MBTD1: variants seen among roughly 807,000 people sequenced by gnomAD.
MBTD1 encodes the protein mbt domain containing 1, also known as MBT domain-containing protein 1.
MBTD1 carries 24 observed loss-of-function variants against 87.8 expected under a neutral mutation model. The observed-to-expected ratio is 0.27, with a 90% CI of 0.20 to 0.38. The LOEUF is 0.38. Ranked by LOEUF, MBTD1 falls within the 10% of genes least tolerant of loss-of-function variation. MBTD1 has a pLI of 1.00. For missense variants in MBTD1, 436 were observed against 760.2 expected, an observed-to-expected ratio of 0.57 and a Z score of 5.02; for synonymous variants, 237 against 248.6, an observed-to-expected ratio of 0.95 and a Z score of 0.44.
At chr17:51,255,011 A>G (rs1293442996) in intron 2 of MBTD1, among the ~76,000 whole-genome samples, 2 of 152,200 alleles carry the variant, frequency 1.3e-5, no homozygotes, top group African/African-American at 2.4e-5. Flanking sequence ...GGCCAGGCGC[A>G]GTGGCTCACG....
chr17:51,257,959 G>A (rs2055187052), intron 2 of MBTD1, among the ~76,000 whole-genome samples: 1 of 151,802 alleles, frequency 6.6e-6, no homozygotes, highest in South Asian at 2.1e-4. Context: ...AATCAGTATG[G>A]GGTTTTAGAT....
At chr17:51,182,457 T>C (rs2050357704) in intron 16 of MBTD1, among the ~76,000 whole-genome samples, 2 of 152,174 alleles carry the variant, frequency 1.3e-5, no homozygotes. Context: ...CTTTACACAT[T>C]TGACTGAATA....
intron 5 of MBTD1, among the ~76,000 whole-genome samples, chr17:51,218,006 A>C (rs1174001287): frequency 6.6e-6 from 1 of 152,128 alleles, no homozygotes; most frequent in Non-Finnish European, 1.5e-5. Flanking sequence ...CAGAATGACA[A>C]ACACTGTTGT....
chr17:51,257,351 T>A (rs2055151415), intron 2 of MBTD1, among the ~76,000 whole-genome samples: 1 of 152,236 alleles, frequency 6.6e-6, no homozygotes, highest in Non-Finnish European at 1.5e-5. Flanking sequence ...TTGTCTAATT[T>A]TAGAATGTGG....
Position 51,260,028 on chromosome 17 carries a change from GC to G in MBTD1, c.-307del, listed in dbSNP as rs1265277339. 4.5e-6 allele frequency: 2 copies of G among 440,076 alleles called. No homozygotes were observed. The highest frequency in any genetic ancestry group is 7.1e-5 in the East Asian group (2 of 27,974). 27.3% of individuals were successfully genotyped at this position (440,076 alleles called of 1,614,324 possible). ...GGATTTCCCCCCTTTAACTCGGGTGGCCCCAGGATATCAACAACATTAGCAT... is the reference window on the plus strand; with the variant it reads ...GGATTTCCCCCCTTTAACTCGGGTGGCCCAGGATATCAACAACATTAGCAT... On this transcript the variant is annotated 5_prime_UTR_variant, in exon 1 of 17. It removes the in-frame stop codon of an upstream open reading frame in the 5' UTR. Coordinates refer to ENST00000586178, the MANE Select transcript of MBTD1 (RefSeq NM_017643.3).
intron 1 of MBTD1, among the ~76,000 whole-genome samples, chr17:51,259,631 C>A (rs536948132): frequency 6.6e-6 from 1 of 151,222 alleles, no homozygotes; most frequent in African/African-American, 2.4e-5. Flanking sequence ...CCCAACGAGT[C>A]CAAGGCTGAC....
At chr17:51,254,636 C>T (rs1305331242) in intron 2 of MBTD1, among the ~76,000 whole-genome samples, 2 of 152,198 alleles carry the variant, frequency 1.3e-5, no homozygotes, top group African/African-American at 2.4e-5. Context: ...CTAGACCTAT[C>T]ACTGTTATGA....
rs1568135884 is a variant in MBTD1 at position 51,179,504 on chromosome 17, A to ATATATTTATATTTT, written c.*1071_*1072insAAAATATAAATATA. On this transcript the variant is annotated 3_prime_UTR_variant, in exon 17 of 17. Coordinates refer to ENST00000586178, the MANE Select transcript of MBTD1 (RefSeq NM_017643.3). ...CAATTTTATATATATATATATATAT[A>ATATATTTATATTTT]TATATATATATATATATATATATAT... The ATATATTTATATTTT allele has an allele frequency of 2.6e-4, 21 of 80,184 alleles. 2 individuals carry two copies. Among genetic ancestry groups the ATATATTTATATTTT allele is most frequent in the African/African-American group, 1.0e-3 (21 of 20,538 alleles). 5.0% of individuals were successfully genotyped at this position (80,184 alleles called of 1,614,324 possible). A position where few individuals can be genotyped will look rare whatever the true frequency, so the allele number is the denominator to read the frequency against.
intron 2 of MBTD1, among the ~76,000 whole-genome samples, chr17:51,228,786 A>G: frequency 6.6e-6 from 1 of 151,056 alleles, no homozygotes; most frequent in East Asian, 1.9e-4. Flanking sequence ...AATCCCAGCT[A>G]CTCGGGAGGC....
chr17:51,198,414 C>T (rs964444742), intron 12 of MBTD1, among the ~76,000 whole-genome samples: 5 of 152,114 alleles, frequency 3.3e-5, no homozygotes, highest in African/African-American at 1.2e-4. Context: ...CCCCAAGTTC[C>T]TTTCTCTCGT....
chr17:51,239,263 T>C (rs1382511293), intron 2 of MBTD1, among the ~76,000 whole-genome samples: 1 of 152,184 alleles, frequency 6.6e-6, no homozygotes, highest in African/African-American at 2.4e-5. Flanking sequence ...CTAATACACT[T>C]TTTATTTTTC....
At position 51,193,313 on chromosome 17, in the gene MBTD1, T is replaced by C. The variant is rs2050902059; in HGVS notation, c.1455+115A>G. On this transcript the variant is annotated intron_variant, in intron 14 of 16. Transcript: ENST00000586178. The stretch of plus-strand genomic sequence containing the variant: ...ATTGTTTCATTGCTATATTTGTTTA[T>C]ATTATATCTCCACTAAGAAATTCTA... The C allele has an allele frequency of 8.7e-6, 6 of 693,260 alleles. No homozygotes were observed. The Admixed American group carries it at 9.3e-5, about 11-fold the overall frequency. The allele number at this position is 693,260 out of a possible 1,614,324, so 42.9% of individuals were successfully genotyped here.
At chr17:51,221,952 C>T (rs1472139318) in intron 3 of MBTD1, among the ~76,000 whole-genome samples, 6 of 152,054 alleles carry the variant, frequency 3.9e-5, no homozygotes, top group Non-Finnish European at 8.8e-5. Flanking sequence ...GATAAAAATG[C>T]CAGAAGATTG....
intron 2 of MBTD1, among the ~76,000 whole-genome samples, chr17:51,227,235 CTG>C (rs796746319): frequency 1.8e-3 from 156 of 85,614 alleles, no homozygotes; most frequent in African/African-American, 7.2e-3. Context: ...GAGCGAGACT[CTG>C]TCTCCAAAAA....
In MBTD1 at chr17:51,180,245, A is replaced by G. The variant is rs1311241823; in HGVS notation, c.*331T>C. ...TATCCTTCTTAAATCATTTCCTTCA[A>G]TCCTGCTACCTAAACTTTAATGTTA... On this transcript the variant is annotated 3_prime_UTR_variant, in exon 17 of 17. Coordinates refer to ENST00000586178, the MANE Select transcript of MBTD1 (RefSeq NM_017643.3). 3 of 207,440 alleles carry G rather than the reference A, an allele frequency of 1.4e-5. No individual in the cohort carries two copies. The highest frequency in any genetic ancestry group is 2.4e-5 in the African/African-American group (1 of 42,304). 12.8% of individuals were successfully genotyped at this position (207,440 alleles called of 1,614,324 possible).
intron 13 of MBTD1, 118 bp from the exon 14 acceptor site, chr17:51,193,628 T>A (rs1247575582): frequency 8.3e-6 from 5 of 602,032 alleles, no homozygotes; most frequent in Admixed American, 5.6e-5. Flanking sequence ...ATCAACTTTA[T>A]TTTTTTTGAG....
At chr17:51,194,799 G>A (rs1293967162) in intron 13 of MBTD1, among the ~76,000 whole-genome samples, 1 of 123,656 alleles carries the variant, frequency 8.1e-6, no homozygotes, top group African/African-American at 3.2e-5. Context: ...GCTGAGGTGG[G>A]AGGATTCCTT....
At position 51,259,817 on chromosome 17, in the gene MBTD1, G is replaced by T; in HGVS notation, c.-113+18C>A. 7 of 1,232,540 alleles carry T rather than the reference G, an allele frequency of 5.7e-6. No homozygotes were observed. The highest frequency in any genetic ancestry group is 7.1e-6 in the Non-Finnish European group (7 of 988,356). The allele number at this position is 1,232,540 out of a possible 1,614,324, so 76.4% of individuals were successfully genotyped here. On this transcript the variant is annotated intron_variant, in intron 1 of 16. Coordinates refer to ENST00000586178, the MANE Select transcript of MBTD1 (RefSeq NM_017643.3). The stretch of plus-strand genomic sequence containing the variant: ...CCCCCACCTGGCACACAAAGCGGCT[G>T]CCGCGCTCGGCTCTCACCAGATCCT...
At chr17:51,190,198 A>G (rs1052192972) in intron 16 of MBTD1, among the ~76,000 whole-genome samples, 2 of 152,194 alleles carry the variant, frequency 1.3e-5, no homozygotes, top group African/African-American at 4.8e-5. Context: ...CACGTACCTG[A>G]GCATATTTGG....
Sources: gnomAD v4.1 joint callset for allele counts (sites outside exome capture counted in the v4.1 genomes callset) on GRCh38, gnomAD v4.1.1 for gene constraint, MANE v1.5 for transcripts, NCBI Gene and HGNC (gene_info 2026-07-23, HGNC 2026-07-21) for gene names.